GOLIM4: variants seen among roughly 807,000 people sequenced by gnomAD.
The protein encoded by GOLIM4 is 130 kDa golgi-localized phosphoprotein.
In GOLIM4, 71 loss-of-function variants were observed where a neutral mutation model predicts 107.4. The ratio of observed to expected loss-of-function variants is 0.66; its 90% CI spans 0.55 to 0.81. The LOEUF is 0.81. GOLIM4 is among the 30% of genes least tolerant of loss of function. GOLIM4 has a pLI of 0.00. For synonymous variants in GOLIM4, 327 were observed against 294.8 expected, an observed-to-expected ratio of 1.11 and a Z score of -1.12; for missense variants, 830 against 826.1, an observed-to-expected ratio of 1.00 and a Z score of -0.06.
At chr3:168,094,126 A>G (rs547878600) in intron 1 of GOLIM4, among the ~76,000 whole-genome samples, 28 of 152,378 alleles carry the variant, frequency 1.8e-4, no homozygotes, top group African/African-American at 6.7e-4. Flanking sequence ...TGCAAAAAAA[A>G]TATGTATAGG....
rs746671757 is a variant in GOLIM4 at position 168,095,416 on chromosome 3, C to A, written c.-131G>T. On this transcript the variant is annotated 5_prime_UTR_variant, in exon 1 of 16. Coordinates refer to ENST00000470487, the MANE Select transcript of GOLIM4 (RefSeq NM_014498.5). ...GAGGAGGAGATGCCAGACACAAAAGCCGGCCCGGAGGGGAAGTGGCGCCCG... is the reference window on the plus strand; with the variant it reads ...GAGGAGGAGATGCCAGACACAAAAGACGGCCCGGAGGGGAAGTGGCGCCCG... 8.3e-6 allele frequency: 6 copies of A among 721,470 alleles called. No individual in the cohort carries two copies. The highest frequency in any genetic ancestry group is 1.3e-5 in the Non-Finnish European group (6 of 455,428). The allele number at this position is 721,470 out of a possible 1,614,324, so 44.7% of individuals were successfully genotyped here. A position where few individuals can be genotyped will look rare whatever the true frequency, so the allele number is the denominator to read the frequency against.
chr3:168,029,272 A>G lies in GOLIM4; in HGVS notation c.1464T>C (p.Asn488=), dbSNP rs758189835. Residue 488 remains asparagine, a synonymous_variant, in exon 11 of 16, where the codon AAT becomes AAC. Coordinates refer to ENST00000470487, the MANE Select transcript of GOLIM4 (RefSeq NM_014498.5). ...GGTCCTCTGCTCCCTGAACGATATC[A>G]TTATCCATAGCATCATAATGAGCTT... The part of the protein sequence containing the change: ...RQQAHYDAMD[N]DIVQGAEDQG... 6.2e-7 allele frequency: 1 copy of G among 1,610,206 alleles called. No homozygotes were observed. The highest frequency in any genetic ancestry group is 8.5e-7 in the Non-Finnish European group (1 of 1,177,534).
In GOLIM4 at chr3:168,095,519, T is replaced by G; in HGVS notation, c.-234A>C. ...TGCAGCCAAACTTCTGCGAGGCTCG[T>G]TCTCCGCGAATGCCCGGGGCCGGGA... is the stretch of plus-strand genomic sequence containing the variant. On this transcript the variant is annotated 5_prime_UTR_variant, in exon 1 of 16. Coordinates refer to ENST00000470487, the MANE Select transcript of GOLIM4 (RefSeq NM_014498.5). 1 of 488,352 alleles carries G rather than the reference T, an allele frequency of 2.0e-6. No homozygotes were observed. Among genetic ancestry groups the G allele is most frequent in the Non-Finnish European group, 3.6e-6 (1 of 277,768 alleles). The allele number at this position is 488,352 out of a possible 1,614,324, so 30.3% of individuals were successfully genotyped here.
Position 168,027,845 on chromosome 3 carries a change from A to C in GOLIM4, c.1514-8T>G. The C allele has an allele frequency of 6.4e-7, 1 of 1,564,502 alleles. No individual in the cohort carries two copies. Among genetic ancestry groups the C allele is most frequent in the Admixed American group, 1.7e-5 (1 of 59,478 alleles). On this transcript the variant is annotated splice_polypyrimidine_tract_variant and splice_region_variant and intron_variant, in intron 11 of 15. Transcript: ENST00000470487. ...GGTTGTCTCTTTCATAGGCTAGCAAATCAAAGGAACTAAAATCAGCCCAAA... is the reference window on the plus strand; with the variant it reads ...GGTTGTCTCTTTCATAGGCTAGCAACTCAAAGGAACTAAAATCAGCCCAAA...
Position 168,010,094 on chromosome 3 carries a change from TAC to T in GOLIM4, c.*173_*174del, listed in dbSNP as rs1716905449. On this transcript the variant is annotated 3_prime_UTR_variant, in exon 16 of 16. Coordinates refer to ENST00000470487, the MANE Select transcript of GOLIM4 (RefSeq NM_014498.5). ...TTGAATATAAAAGAAGCTCTAGACCTACGTTATCAAAATATATTCATATAAAT... is the reference window on the plus strand; with the variant it reads ...TTGAATATAAAAGAAGCTCTAGACCTGTTATCAAAATATATTCATATAAAT... 2.0e-6 allele frequency: 1 copy of T among 489,528 alleles called. No individual in the cohort carries two copies. Among genetic ancestry groups the T allele is most frequent in the African/African-American group, 2.0e-5 (1 of 50,180 alleles). 30.3% of individuals were successfully genotyped at this position (489,528 alleles called of 1,614,324 possible).
intron 14 of GOLIM4, among the ~76,000 whole-genome samples, chr3:168,018,083 A>G (rs1005215712): frequency 2.6e-4 from 40 of 152,330 alleles, no homozygotes; most frequent in African/African-American, 9.4e-4. Context: ...ATGCATTTCA[A>G]AAAAACTGCT....
chr3:168,022,346 AC>A (rs1223366034), intron 14 of GOLIM4, among the ~76,000 whole-genome samples: 1 of 151,474 alleles, frequency 6.6e-6, no homozygotes, highest in African/African-American at 2.4e-5. Context: ...AAAAAAAAAA[AC>A]AACAACAACA....
At chr3:168,055,080 G>GT (rs938851009) in intron 1 of GOLIM4, among the ~76,000 whole-genome samples, 6 of 152,246 alleles carry the variant, frequency 3.9e-5, no homozygotes, top group Non-Finnish European at 8.8e-5. Context: ...TCTGGAGTAT[G>GT]TTTTTTTCAG....
intron 1 of GOLIM4, among the ~76,000 whole-genome samples, chr3:168,070,874 T>A (rs536121229): frequency 1.6e-4 from 24 of 152,372 alleles, no homozygotes; most frequent in African/African-American, 5.5e-4. Flanking sequence ...TCAACTTCTA[T>A]ACCTTTAATA....
chr3:168,062,316 G>A (rs887162374), intron 1 of GOLIM4, among the ~76,000 whole-genome samples: 1 of 151,762 alleles, frequency 6.6e-6, no homozygotes, highest in African/African-American at 2.4e-5. Flanking sequence ...ATAGGATTTG[G>A]TAAAAATCAG....
chr3:168,017,777 T>C lies in GOLIM4; in HGVS notation c.1860+6749A>G, dbSNP rs377129993. Reference sequence around the variant, plus strand: ...AAGATATCTAGAAAATAAAATACAATCATTTCAATTTCTTTATGAAATAGT... The same window carrying C: ...AAGATATCTAGAAAATAAAATACAACCATTTCAATTTCTTTATGAAATAGT... On this transcript the variant is annotated intron_variant, in intron 14 of 15. Coordinates refer to ENST00000470487, the MANE Select transcript of GOLIM4 (RefSeq NM_014498.5). 9.2e-5 allele frequency among the ~76,000 whole-genome samples: 14 copies of C among 152,346 alleles called. No individual in the cohort carries two copies. In the East Asian group the frequency reaches 9.6e-4, roughly 10 times the overall value.
intron 1 of GOLIM4, among the ~76,000 whole-genome samples, chr3:168,086,107 T>G (rs1271449291): frequency 6.6e-6 from 1 of 152,154 alleles, no homozygotes; most frequent in Non-Finnish European, 1.5e-5. Context: ...TCAATACAAT[T>G]TAACTTGTTT....
At chr3:168,022,333 TAAA>T (rs72025617) in intron 14 of GOLIM4, among the ~76,000 whole-genome samples, 3 of 143,456 alleles carry the variant, frequency 2.1e-5, no homozygotes, top group African/African-American at 5.0e-5. Flanking sequence ...AAATGGAGAT[TAAA>T]AAAAAAAAAA....
At chr3:168,060,373 G>A (rs9838896) in intron 1 of GOLIM4, among the ~76,000 whole-genome samples, 8,418 of 152,232 alleles carry the variant, frequency 0.055, 748 homozygotes, top group African/African-American at 0.19. Context: ...ACCAGTGTGC[G>A]TGCTGTGGAG....
chr3:168,082,202 C>A (rs550571487), intron 1 of GOLIM4, among the ~76,000 whole-genome samples: 1 of 152,192 alleles, frequency 6.6e-6, no homozygotes, highest in South Asian at 2.1e-4. Flanking sequence ...GTTCATGAAC[C>A]ACCCCCGCCA....
At chr3:168,036,434 G>A (rs1358399026) in intron 8 of GOLIM4, among the ~76,000 whole-genome samples, 3 of 152,156 alleles carry the variant, frequency 2.0e-5, no homozygotes, top group Non-Finnish European at 4.4e-5. Flanking sequence ...CCAGCTACTC[G>A]GGAGGCTGAG....
At chr3:168,032,229 G>C (rs1718371358) in intron 9 of GOLIM4, among the ~76,000 whole-genome samples, 1 of 152,166 alleles carries the variant, frequency 6.6e-6, no homozygotes, top group South Asian at 2.1e-4. Context: ...GTACTCACCT[G>C]TTCTACTCTA....
In GOLIM4 at chr3:168,010,899, T is replaced by C. The variant is rs996809604; in HGVS notation, c.1861-76A>G. The C allele has an allele frequency of 6.1e-6, 6 of 978,568 alleles. No homozygotes were observed. The African/African-American group carries it at 8.0e-5, about 13-fold the overall frequency. 60.6% of individuals were successfully genotyped at this position (978,568 alleles called of 1,614,324 possible). A position where few individuals can be genotyped will look rare whatever the true frequency, so the allele number is the denominator to read the frequency against. ...GCGATAATATATTTTGACACTGTTATCATTTAAAGACTTGCAATAATATAT... is the reference window on the plus strand; with the variant it reads ...GCGATAATATATTTTGACACTGTTACCATTTAAAGACTTGCAATAATATAT... On this transcript the variant is annotated intron_variant, in intron 14 of 15. Transcript: ENST00000470487.
chr3:168,074,113 G>C (rs1720959159), intron 1 of GOLIM4, among the ~76,000 whole-genome samples: 2 of 152,224 alleles, frequency 1.3e-5, no homozygotes, highest in African/African-American at 4.8e-5. Flanking sequence ...GGCGCACACA[G>C]AGAGAAACAG....
Sources: allele counts gnomAD v4.1 joint callset (sites outside exome capture counted in the v4.1 genomes callset), GRCh38; gene constraint gnomAD v4.1.1; transcripts MANE v1.5; gene names NCBI Gene and HGNC (gene_info 2026-07-23, HGNC 2026-07-21).